VWF: variants seen among roughly 807,000 people sequenced by gnomAD.
VWF encodes Factor VIII related antigen.
A neutral mutation model predicts 308.6 loss-of-function variants in VWF; 176 were observed. The observed-to-expected ratio is 0.57, with a 90% CI of 0.50 to 0.65. The LOEUF (loss-of-function observed/expected upper bound fraction) is 0.65. Among genes scored for constraint, VWF ranks in the 30% least tolerant of loss-of-function variants. The probability of loss-of-function intolerance (pLI) is 0.00; values close to 1 mark genes in which losing one functional copy is unlikely to be tolerated. For synonymous variants in VWF, 1,385 were observed against 1,443.4 expected (o/e 0.96, Z 0.92); for missense variants, 3,146 against 3,648.2 (o/e 0.86, Z 3.55).
chr12:6,052,636 C>G lies in VWF; in HGVS notation c.2093G>C (p.Arg698Thr). Residue 698 changes from arginine to threonine, a missense_variant, in exon 16 of 52, where the codon AGG becomes ACG. Around this residue, in one of 3 missense-constraint regions of VWF, gnomAD observed 1,304 missense variants for 1,353.0 expected, o/e 0.96. Coordinates refer to ENST00000261405, the MANE Select transcript of VWF (RefSeq NM_000552.5). ...FCPPGLYMDE[R>T]GDCVPKAQCP... ...CTGGGCCTTGGGCACGCAGTCCCCCCTCTCATCCATGTAGAGCCCTGGGGG... is the reference window on the plus strand; with the variant it reads ...CTGGGCCTTGGGCACGCAGTCCCCCGTCTCATCCATGTAGAGCCCTGGGGG... 1.2e-6 allele frequency: 2 copies of G among 1,614,274 alleles called. No individual in the cohort carries two copies. Among genetic ancestry groups the G allele is most frequent in the Non-Finnish European group, 1.7e-6 (2 of 1,180,050 alleles).
chr12:6,111,120 C>G (rs2136523006), intron 3 of VWF, 152 bp from the exon 4 acceptor site: 2 of 684,948 alleles, frequency 2.9e-6, no homozygotes, highest in Middle Eastern at 3.8e-4. Context: ...CTAAAAATCT[C>G]ATTTTCTCAC....
At position 5,999,502 on chromosome 12, in the gene VWF, A is replaced by C. The variant is rs768008705; in HGVS notation, c.5843-3280T>G. Among the ~76,000 whole-genome samples the C allele has an allele frequency of 3.4e-3, 436 of 128,378 alleles. 2 individuals are homozygous for C. Among genetic ancestry groups the C allele is most frequent in the African/African-American group, 0.01 (376 of 35,828 alleles). The allele number at this position is 128,378 out of a possible 152,430, so 84.2% of individuals were successfully genotyped here. The stretch of plus-strand genomic sequence containing the variant: ...CACACACACACACACACACACACAC[A>C]CCACTAAGGAAATGACTTTTCTATA... On this transcript the variant is annotated intron_variant, in intron 34 of 51. Transcript: ENST00000261405.
At chr12:6,004,012 T>G (rs1943901853) in intron 34 of VWF, among the ~76,000 whole-genome samples, 1 of 152,080 alleles carries the variant, frequency 6.6e-6, no homozygotes, top group Non-Finnish European at 1.5e-5. Context: ...AGACGGGGTT[T>G]CACCGTGTGT....
chr12:6,098,674 G>T (rs527979601), intron 5 of VWF, among the ~76,000 whole-genome samples: 43 of 152,186 alleles, frequency 2.8e-4, no homozygotes, highest in African/African-American at 9.6e-4. Context: ...AGCTACTCGG[G>T]AGGCTGAGGC....
At chr12:5,983,644 T>C (rs910087645) in intron 40 of VWF, among the ~76,000 whole-genome samples, 1 of 151,740 alleles carries the variant, frequency 6.6e-6, no homozygotes, top group Non-Finnish European at 1.5e-5. Flanking sequence ...GAATAGATGA[T>C]AGATACATAT....
chr12:6,095,810 T>G, intron 5 of VWF: 2 of 541,600 alleles, frequency 3.7e-6, no homozygotes, highest in Non-Finnish European at 6.5e-6. Context: ...CTGGCTTGGC[T>G]GGTTCACCCC....
chr12:6,052,773 G>A lies in VWF; in HGVS notation c.1956C>T (p.Cys652=). The A allele has an allele frequency of 1.9e-6, 3 of 1,594,264 alleles. No homozygotes were observed. Among genetic ancestry groups the A allele is most frequent in the Non-Finnish European group, 2.6e-6 (3 of 1,174,368 alleles). Residue 652 remains cysteine, a synonymous_variant, in exon 16 of 52, where the codon TGC becomes TGT. Transcript: ENST00000261405. The part of the protein sequence containing the change: ...WREPGRCELN[C]PKGQVYLQCG... ...ACTGCAGGTACACCTGGCCTTTCGG[G>A]CAGTTCAGCTCTAGAAGAGAGAGGA...
intron 47 of VWF, among the ~76,000 whole-genome samples, chr12:5,960,479 A>G (rs1943301614): frequency 6.6e-6 from 1 of 152,216 alleles, no homozygotes; most frequent in Non-Finnish European, 1.5e-5. Context: ...AAACACCACC[A>G]TATTTTGTTG....
chr12:6,105,234 C>A (rs1426242693), intron 5 of VWF, among the ~76,000 whole-genome samples: 1 of 152,006 alleles, frequency 6.6e-6, no homozygotes, highest in Non-Finnish European at 1.5e-5. Context: ...TAAATTTATA[C>A]AATTTTTTTT....
intron 6 of VWF, among the ~76,000 whole-genome samples, chr12:6,090,035 G>A (rs1591911040): frequency 6.6e-6 from 1 of 152,018 alleles, no homozygotes; most frequent in East Asian, 1.9e-4. Context: ...TCGGCTCACT[G>A]CAAGCTCTGC....
chr12:6,114,245 C>G (rs191776830), intron 3 of VWF, among the ~76,000 whole-genome samples: 1 of 152,242 alleles, frequency 6.6e-6, no homozygotes, highest in East Asian at 1.9e-4. Flanking sequence ...GGGTAGGGAA[C>G]GCTTCAGAGG....
chr12:6,026,171 G>A (rs3858686), intron 22 of VWF, 125 bp from the exon 23 acceptor site: 343,345 of 1,404,144 alleles, frequency 0.24, 45,992 homozygotes, highest in African/African-American at 0.43. Context: ...GAGGAGGAGC[G>A]GGACAGAGAC....
Position 6,027,884 on chromosome 12 carries a change from C to CACACA in VWF, c.2967+1457_2967+1458insTGTGT, listed in dbSNP as rs1565835390. 5.9e-4 allele frequency among the ~76,000 whole-genome samples: 63 copies of CACACA among 106,972 alleles called. No individual in the cohort carries two copies. The East Asian group carries it at 0.023, about 39-fold the overall frequency. 70.2% of individuals were successfully genotyped at this position (106,972 alleles called of 152,430 possible). ...CACACACACACACACACACACACAC[C>CACACA]CCTAAACAAAAAAACTTTTTTCCCC... On this transcript the variant is annotated intron_variant, in intron 22 of 51. Transcript: ENST00000261405.
At position 6,103,443 on chromosome 12, in the gene VWF, CAT is replaced by C. The variant is rs1277629346; in HGVS notation, c.532+6929_532+6930del. Among the ~76,000 whole-genome samples, 36 of 115,722 alleles carry C rather than the reference CAT, an allele frequency of 3.1e-4. 1 individual carries two copies. Among genetic ancestry groups the C allele is most frequent in the African/African-American group, 7.7e-4 (17 of 21,956 alleles). 75.9% of individuals were successfully genotyped at this position (115,722 alleles called of 152,430 possible). ...GTGTGTATACACACGTGTGTATATACATACACATATATGTGTATATACACATA... is the reference window on the plus strand; with the variant it reads ...GTGTGTATACACACGTGTGTATATACACACATATATGTGTATATACACATA... On this transcript the variant is annotated intron_variant, in intron 5 of 51. Transcript: ENST00000261405.
intron 18 of VWF, among the ~76,000 whole-genome samples, chr12:6,040,626 T>C (rs1944386278): frequency 6.6e-6 from 1 of 152,214 alleles, no homozygotes; most frequent in South Asian, 2.1e-4. Flanking sequence ...GATTCAAACC[T>C]GGAAGTGTGA....
chr12:6,069,369 G>A (rs577901397), intron 10 of VWF, among the ~76,000 whole-genome samples: 11 of 152,078 alleles, frequency 7.2e-5, no homozygotes, highest in South Asian at 2.1e-4. Context: ...ACTGCCTCCC[G>A]GGTTGGCTCC....
intron 51 of VWF, 26 bp downstream of exon 51, chr12:5,949,760 A>G: frequency 1.2e-6 from 2 of 1,610,372 alleles, no homozygotes. Flanking sequence ...CTCCACACCC[A>G]GCCCTTATTG....
chr12:6,065,005 G>T, intron 11 of VWF, 132 bp downstream of exon 11: 1 of 1,342,222 alleles, frequency 7.5e-7, no homozygotes. Context: ...GGAGCTAACT[G>T]AAGTCTGGAA....
chr12:6,024,706 CACAT>C lies in VWF; in HGVS notation c.3222+870_3222+873del, dbSNP rs1328225597. On this transcript the variant is annotated intron_variant, in intron 24 of 51. Coordinates refer to ENST00000261405, the MANE Select transcript of VWF (RefSeq NM_000552.5). This position sits in a 1 kb window ranked among gnomAD's most constrained non-coding sequence, Gnocchi z 4.0. Reference sequence around the variant, plus strand: ...AAGCCCATGTCCACATGTGTGTACACACATACATGCAGCAGATAAGAGACAACTG... The same window carrying C: ...AAGCCCATGTCCACATGTGTGTACACACATGCAGCAGATAAGAGACAACTG... Among the ~76,000 whole-genome samples the C allele has an allele frequency of 6.6e-6, 1 of 152,200 alleles. No individual in the cohort carries two copies. The highest frequency in any genetic ancestry group is 2.4e-5 in the African/African-American group (1 of 41,460).
Sources: gnomAD v4.1 joint callset for allele counts (sites outside exome capture counted in the v4.1 genomes callset) on GRCh38, gnomAD v4.1.1 for gene constraint, gnomAD v4.1.1 regional missense constraint, Gnocchi (gnomAD v3.1) non-coding constraint, MANE v1.5 for transcripts, NCBI Gene and HGNC (gene_info 2026-07-23, HGNC 2026-07-21) for gene names.